Variants in PAK5 observed in about 807,000 individuals in gnomAD.
PAK5 encodes the protein p21 (RAC1) activated kinase 5.
In PAK5, 16 loss-of-function variants were observed where a neutral mutation model predicts 65.9. That is an observed-to-expected ratio of 0.24 (90% confidence interval 0.16 to 0.37). The LOEUF is 0.37. PAK5 is among the 10% of genes least tolerant of loss of function. PAK5 has a pLI of 1.00. For synonymous variants in PAK5, 371 were observed against 354.9 expected (o/e 1.05, Z -0.51); for missense variants, 785 against 903.9 (o/e 0.87, Z 1.69).
intron 1 of PAK5, among the ~76,000 whole-genome samples, chr20:9,826,373 T>C (rs1002334319): frequency 6.6e-6 from 1 of 152,198 alleles, no homozygotes; most frequent in Non-Finnish European, 1.5e-5. Flanking sequence ...TCAAAGATAG[T>C]AAAAATCTCC....
intron 3 of PAK5, among the ~76,000 whole-genome samples, chr20:9,632,766 A>G (rs1187978886): frequency 6.6e-6 from 1 of 152,230 alleles, no homozygotes; most frequent in East Asian, 1.9e-4. Context: ...CAAGGTGAAA[A>G]GGTAAGAAGG....
chr20:9,573,772 G>A (rs1427973025), intron 4 of PAK5, among the ~76,000 whole-genome samples: 1 of 152,200 alleles, frequency 6.6e-6, no homozygotes, highest in Non-Finnish European at 1.5e-5. Flanking sequence ...CACAGCCACA[G>A]TGTGGGTCTG....
At chr20:9,593,826 T>C (rs201917710) in intron 3 of PAK5, among the ~76,000 whole-genome samples, 5 of 148,588 alleles carry the variant, frequency 3.4e-5, no homozygotes, top group African/African-American at 7.4e-5. Context: ...CTCTCTCTCT[T>C]TCTCTCTCTC....
chr20:9,822,688 A>G (rs1293993977), intron 1 of PAK5, among the ~76,000 whole-genome samples: 1 of 152,226 alleles, frequency 6.6e-6, no homozygotes, highest in Non-Finnish European at 1.5e-5. Context: ...AAGGGAGGCA[A>G]CAGGTATAGA....
chr20:9,546,843 G>T (rs746729111), intron 7 of PAK5, among the ~76,000 whole-genome samples: 3 of 152,172 alleles, frequency 2.0e-5, no homozygotes, highest in Non-Finnish European at 4.4e-5. Context: ...TGCTTTTCAA[G>T]AAATGAGATG....
chr20:9,785,967 T>C (rs2048988543), intron 1 of PAK5, among the ~76,000 whole-genome samples: 1 of 152,022 alleles, frequency 6.6e-6, no homozygotes, highest in South Asian at 2.1e-4. Flanking sequence ...ACCCAACCAA[T>C]CAGAGGCACT....
intron 3 of PAK5, among the ~76,000 whole-genome samples, chr20:9,597,185 T>C (rs550053093): frequency 6.6e-6 from 1 of 152,354 alleles, no homozygotes; most frequent in East Asian, 1.9e-4. Flanking sequence ...GCTGGGGCTA[T>C]GGTCCTTATC....
At chr20:9,547,142 C>T (rs764955904) in intron 7 of PAK5, among the ~76,000 whole-genome samples, 14 of 152,126 alleles carry the variant, frequency 9.2e-5, no homozygotes, top group Non-Finnish European at 1.8e-4. Context: ...AAAGCAGAGA[C>T]TGGAGGGATG....
intron 2 of PAK5, among the ~76,000 whole-genome samples, chr20:9,679,862 G>A (rs1569036499): frequency 6.6e-6 from 1 of 152,216 alleles, no homozygotes; most frequent in Non-Finnish European, 1.5e-5. Flanking sequence ...GCGCATCTCA[G>A]GAATGCTGAC....
rs139620343 is a variant in PAK5 at position 9,578,497 on chromosome 20, T to C, written c.990+1648A>G. Reference sequence around the variant, plus strand: ...GCTCCAGGACCAAAATGCAGCATCATCTGGGCAATGTTTTCTCTGTAACTA... The same window carrying C: ...GCTCCAGGACCAAAATGCAGCATCACCTGGGCAATGTTTTCTCTGTAACTA... On this transcript the variant is annotated intron_variant, in intron 4 of 9. Transcript: ENST00000353224. 4.7e-4 allele frequency among the ~76,000 whole-genome samples: 72 copies of C among 152,180 alleles called. 1 individual carries two copies. The highest frequency in any genetic ancestry group is 1.6e-3 in the African/African-American group (66 of 41,504).
At chr20:9,559,889 G>T (rs577332421) in intron 6 of PAK5, among the ~76,000 whole-genome samples, 1 of 152,182 alleles carries the variant, frequency 6.6e-6, no homozygotes, top group Admixed American at 6.5e-5. Flanking sequence ...GTGGTATGTT[G>T]GTCATTATCC....
chr20:9,685,822 C>T (rs565203391), intron 2 of PAK5, among the ~76,000 whole-genome samples: 27 of 152,298 alleles, frequency 1.8e-4, no homozygotes, highest in East Asian at 7.7e-4. Context: ...TCTGCTAGTA[C>T]TTATCTACTG....
chr20:9,715,634 T>C (rs2048135490), intron 1 of PAK5, among the ~76,000 whole-genome samples: 1 of 151,864 alleles, frequency 6.6e-6, no homozygotes, highest in Non-Finnish European at 1.5e-5. Flanking sequence ...TAGCAAAGAC[T>C]TGGAACCAAC....
At chr20:9,711,039 T>G (rs1192399019) in intron 2 of PAK5, among the ~76,000 whole-genome samples, 1 of 152,192 alleles carries the variant, frequency 6.6e-6, no homozygotes, top group African/African-American at 2.4e-5. Context: ...ATCGTGTTCA[T>G]AAACATTATC....
chr20:9,609,248 T>C (rs1279786702), intron 3 of PAK5, among the ~76,000 whole-genome samples: 1 of 151,940 alleles, frequency 6.6e-6, no homozygotes, highest in African/African-American at 2.4e-5. Context: ...AGCTGATGAG[T>C]TGGCTTTCAG....
intron 2 of PAK5, among the ~76,000 whole-genome samples, chr20:9,676,066 C>T (rs1461339606): frequency 6.6e-6 from 1 of 152,124 alleles, no homozygotes; most frequent in Non-Finnish European, 1.5e-5. Context: ...GGAAGCCTCA[C>T]AATCATGTTG....
intron 3 of PAK5, among the ~76,000 whole-genome samples, chr20:9,638,746 G>A (rs1044721418): frequency 1.3e-5 from 2 of 152,160 alleles, no homozygotes; most frequent in African/African-American, 4.8e-5. Context: ...CCTGGTAAGC[G>A]TGACAATGGG....
At position 9,640,396 on chromosome 20, in the gene PAK5, A is replaced by G. The variant is rs533857613; in HGVS notation, c.204+3729T>C. On this transcript the variant is annotated intron_variant, in intron 3 of 9. Transcript: ENST00000353224. Reference sequence around the variant, plus strand: ...TCCCTACAAAGGACATGAACTCATCATTTTTTATGGCTGCATAGTATTCCA... The same window carrying G: ...TCCCTACAAAGGACATGAACTCATCGTTTTTTATGGCTGCATAGTATTCCA... Among the ~76,000 whole-genome samples the G allele has an allele frequency of 1.3e-3, 190 of 151,988 alleles. 1 individual carries two copies. Among genetic ancestry groups the G allele is most frequent in the African/African-American group, 4.3e-3 (179 of 41,440 alleles).
At chr20:9,608,671 G>A (rs1396907353) in intron 3 of PAK5, among the ~76,000 whole-genome samples, 1 of 152,242 alleles carries the variant, frequency 6.6e-6, no homozygotes, top group Non-Finnish European at 1.5e-5. Flanking sequence ...TGTGTGCAAT[G>A]TGCACATATT....
Sources: gnomAD v4.1 joint callset for allele counts (sites outside exome capture counted in the v4.1 genomes callset) on GRCh38, gnomAD v4.1.1 for gene constraint, MANE v1.5 for transcripts, NCBI Gene and HGNC (gene_info 2026-07-23, HGNC 2026-07-21) for gene names.